Variants in GCC2 observed in about 807,000 individuals in gnomAD.
The protein encoded by GCC2 is GRIP and coiled-coil domain-containing protein 2.
Under a neutral mutation model 210.6 loss-of-function variants are expected in GCC2, and 120 were observed. That is an observed-to-expected ratio of 0.57 (90% CI 0.49 to 0.66). The LOEUF (loss-of-function observed/expected upper bound fraction) is 0.66. GCC2 is among the 30% of genes least tolerant of loss of function. The pLI, the probability that GCC2 is intolerant of heterozygous loss-of-function variation, is 0.00. For missense variants in GCC2, 1,868 were observed against 1,871.9 expected (o/e 1.00, Z 0.04); for synonymous variants, 703 against 652.7 (o/e 1.08, Z -1.17).
At chr2:108,479,329 G>T (rs1049799867) in intron 9 of GCC2, among the ~76,000 whole-genome samples, 1 of 152,078 alleles carries the variant, frequency 6.6e-6, no homozygotes, top group Non-Finnish European at 1.5e-5. Context: ...ACAAAAGTGC[G>T]TTAGTCAAGG....
chr2:108,472,149 AAATT>A, intron 6 of GCC2, 33 bp downstream of exon 6: 1 of 1,360,796 alleles, frequency 7.3e-7, no homozygotes, highest in Non-Finnish European at 9.9e-7. Flanking sequence ...TGTTTCAAAT[AAATT>A]CTTAGTTCAA....
At position 108,496,810 on chromosome 2, in the gene GCC2, A is replaced by G. The variant is rs544543902; in HGVS notation, c.4643-160A>G. ...GTTTTATTTGTGTCACCTACAACAT[A>G]TAATCTGTTGATTGAGGTATGCCGA... is the stretch of plus-strand genomic sequence containing the variant. On this transcript the variant is annotated intron_variant, in intron 20 of 22. Coordinates refer to ENST00000309863, the MANE Select transcript of GCC2 (RefSeq NM_181453.4). 91 of 988,722 alleles carry G rather than the reference A, an allele frequency of 9.2e-5. No individual in the cohort carries two copies. The East Asian group carries it at 2.0e-3, about 21-fold the overall frequency. 61.2% of individuals were successfully genotyped at this position (988,722 alleles called of 1,614,324 possible).
chr2:108,470,242 G>T lies in GCC2; in HGVS notation c.913G>T (p.Ala305Ser), dbSNP rs764953975. 6.2e-7 allele frequency: 1 copy of T among 1,613,450 alleles called. No individual in the cohort carries two copies. Among genetic ancestry groups the T allele is most frequent in the African/African-American group, 1.3e-5 (1 of 75,000 alleles). ...YECELENLRKATSNANQDNQI... is the reference protein window; with the variant it reads ...YECELENLRKSTSNANQDNQI... ...ATGTGAGTTAGAAAATTTAAGGAAAGCCACCTCAAATGCAAACCAAGACAA... is the reference window on the plus strand; with the variant it reads ...ATGTGAGTTAGAAAATTTAAGGAAATCCACCTCAAATGCAAACCAAGACAA... Residue 305 changes from alanine (A) to serine (S), a missense_variant, in exon 6 of 23, where the codon GCC becomes TCC. This residue lies in a region of GCC2 where 1,847 missense variants were observed against 1,765.2 expected (regional missense o/e 1.05). Coordinates refer to ENST00000309863, the MANE Select transcript of GCC2 (RefSeq NM_181453.4).
At chr2:108,472,801 G>GT (rs760081339) in intron 6 of GCC2, 26 bp from the exon 7 acceptor site, 4,309 of 1,304,904 alleles carry the variant, frequency 3.3e-3, no homozygotes, top group Non-Finnish European at 3.9e-3. Flanking sequence ...TTTGTTTTGT[G>GT]TTTTTTTTTC....
At chr2:108,502,356 G>C (rs1419220242) in intron 22 of GCC2, among the ~76,000 whole-genome samples, 1 of 152,086 alleles carries the variant, frequency 6.6e-6, no homozygotes, top group African/African-American at 2.4e-5. Flanking sequence ...AGGGTCCATT[G>C]ATTTAGAAGT....
intron 22 of GCC2, among the ~76,000 whole-genome samples, chr2:108,502,819 A>G (rs1415387791): frequency 1.3e-5 from 2 of 151,612 alleles, no homozygotes; most frequent in African/African-American, 2.4e-5. Flanking sequence ...GCTACTTGGG[A>G]GGCTGAGGTA....
chr2:108,476,447 C>T (rs1231516760), intron 9 of GCC2, among the ~76,000 whole-genome samples: 1 of 152,080 alleles, frequency 6.6e-6, no homozygotes, highest in Non-Finnish European at 1.5e-5. Context: ...TAACCTATTC[C>T]TACTGTGATT....
In GCC2 at chr2:108,471,964, T is replaced by C; in HGVS notation, c.2635T>C (p.Leu879=). The C allele has an allele frequency of 6.2e-7, 1 of 1,604,376 alleles. No individual in the cohort carries two copies. The highest frequency in any genetic ancestry group is 8.5e-7 in the Non-Finnish European group (1 of 1,177,498). ...EKTRLENQNL[L]IQVEEVSQTC... is the part of the protein sequence containing the mutation. ...AACAAGGCTTGAAAATCAGAATCTTTTAATTCAAGTTGAAGAAGTATCTCA... is the reference window on the plus strand; with the variant it reads ...AACAAGGCTTGAAAATCAGAATCTTCTAATTCAAGTTGAAGAAGTATCTCA... The change falls in exon 6 of 23, where the codon TTA becomes CTA. Residue 879 remains leucine, a synonymous_variant. Transcript: ENST00000309863.
At chr2:108,500,374 G>T (rs565018141) in intron 22 of GCC2, among the ~76,000 whole-genome samples, 1 of 152,086 alleles carries the variant, frequency 6.6e-6, no homozygotes, top group African/African-American at 2.4e-5. Flanking sequence ...TTAGCTGGAC[G>T]TGGTGGCATG....
At chr2:108,458,146 T>C (rs1224084250) in intron 4 of GCC2, among the ~76,000 whole-genome samples, 1 of 152,194 alleles carries the variant, frequency 6.6e-6, no homozygotes, top group Admixed American at 6.5e-5. Flanking sequence ...TTGAATTTTA[T>C]GAATTCCTTT....
intron 22 of GCC2, among the ~76,000 whole-genome samples, chr2:108,505,292 T>C (rs894297785): frequency 2.0e-5 from 3 of 152,236 alleles, no homozygotes; most frequent in African/African-American, 7.2e-5. Context: ...GTTACCTCAC[T>C]TGAAATACAT....
Position 108,471,606 on chromosome 2 carries a change from G to C in GCC2, c.2277G>C (p.Leu759Phe). The C allele has an allele frequency of 1.2e-6, 2 of 1,613,442 alleles. No individual in the cohort carries two copies. The highest frequency in any genetic ancestry group is 1.7e-6 in the Non-Finnish European group (2 of 1,179,630). Reference protein sequence around the residue: ...QVQKLFVKTQLYGFLKEMGSE... With the variant: ...QVQKLFVKTQFYGFLKEMGSE... ...AGAAGTTATTTGTTAAAACTCAGTTGTATGGTTTTCTTAAAGAAATGGGAT... is the reference window on the plus strand; with the variant it reads ...AGAAGTTATTTGTTAAAACTCAGTTCTATGGTTTTCTTAAAGAAATGGGAT... The change falls in exon 6 of 23, where the codon TTG becomes TTC. Residue 759 changes from leucine (L) to phenylalanine (F), a missense_variant. Coordinates refer to ENST00000309863, the MANE Select transcript of GCC2 (RefSeq NM_181453.4).
intron 6 of GCC2, 58 bp from the exon 7 acceptor site, chr2:108,472,769 G>T: frequency 2.0e-6 from 2 of 1,006,414 alleles, no homozygotes; most frequent in South Asian, 2.8e-5. Context: ...TATGGAAAAT[G>T]AATTCTGATT....
At chr2:108,475,412 C>T (rs553072707) in intron 7 of GCC2, 123 bp from the exon 8 acceptor site, 1 of 508,614 alleles carries the variant, frequency 2.0e-6, no homozygotes, top group East Asian at 3.3e-5. Flanking sequence ...ACTGTTTTTA[C>T]TGCTTATTTT....
At position 108,468,974 on chromosome 2, in the gene GCC2, A is replaced by C; in HGVS notation, c.217-6A>C. ...CCCCAGGCAAATAAATCTTGTTCTA[A>C]AATAGGCATTAACTGAACGTCTGGA... On this transcript the variant is annotated splice_region_variant and splice_polypyrimidine_tract_variant and intron_variant, in intron 4 of 22. Transcript: ENST00000309863. 1 of 1,585,090 alleles carries C rather than the reference A, an allele frequency of 6.3e-7. No homozygotes were observed. Among genetic ancestry groups the C allele is most frequent in the Non-Finnish European group, 8.7e-7 (1 of 1,154,170 alleles).
rs1374336917 is a variant in GCC2 at position 108,495,398 on chromosome 2, GA to G, written c.4556del (p.Glu1519GlyfsTer18). On this transcript the variant is annotated frameshift_variant, in exon 20 of 23. Transcript: ENST00000309863. LOFTEE classifies it high-confidence loss of function. ...AACCCGGGAAGAGGGAGAAGGCATG[GA>G]GACAACTGATACGGAGTCTGTGTCT... ...TVTREEGEGM[E>X]TTDTESVSSA... 39 of 1,582,308 alleles carry G rather than the reference GA, an allele frequency of 2.5e-5. No homozygotes were observed. The highest frequency in any genetic ancestry group is 8.8e-5 in the South Asian group (8 of 90,634).
At chr2:108,480,262 G>A (rs138176439) in intron 9 of GCC2, among the ~76,000 whole-genome samples, 1 of 152,246 alleles carries the variant, frequency 6.6e-6, no homozygotes, top group East Asian at 1.9e-4. Flanking sequence ...AAAAATAACA[G>A]GTGCTGGTAA....
rs918884510 is a variant in GCC2, at chr2:108,486,638, G to A, written c.3920G>A (p.Arg1307His). ...GTGACAGCACTACAGGAAGAGTGCC[G>A]TGCTGCCAAGGTGCGTTCTTCAGGG... The part of the protein sequence containing the change: ...QRVTALQEEC[R>H]AAKAEQATVT... The change falls in exon 16 of 23, where the codon CGT becomes CAT. Residue 1307 changes from arginine (R) to histidine (H), a missense_variant. Arg to His is a conservative substitution (Grantham distance 29). Around this residue, in one of 3 missense-constraint regions of GCC2, gnomAD observed 1,847 missense variants for 1,765.2 expected, o/e 1.05. Transcript: ENST00000309863. The A allele has an allele frequency of 1.2e-5, 20 of 1,611,344 alleles. No homozygotes were observed. The highest frequency in any genetic ancestry group is 8.0e-5 in the African/African-American group (6 of 74,768).
chr2:108,476,054 C>CCT (rs1558744710), intron 9 of GCC2, among the ~76,000 whole-genome samples: 1,581 of 96,298 alleles, frequency 0.016, 264 homozygotes, highest in East Asian at 0.046. Context: ...TAGTGGCTTG[C>CCT]TTTTTTTTTT....
Sources: gnomAD v4.1 joint callset for allele counts (sites outside exome capture counted in the v4.1 genomes callset) on GRCh38, gnomAD v4.1.1 for gene constraint, gnomAD v4.1.1 regional missense constraint, MANE v1.5 for transcripts, NCBI Gene and HGNC (gene_info 2026-07-23, HGNC 2026-07-21) for gene names.